Variants in CCDC194 observed in about 807,000 individuals in gnomAD.
CCDC194 encodes the protein coiled-coil domain-containing protein 194.
In CCDC194, 8 loss-of-function variants were observed where a neutral mutation model predicts 4.9. The ratio of observed to expected loss-of-function variants is 1.65; its 90% CI spans 0.97 to 2.97. The LOEUF is 2.97. Ranked by LOEUF, CCDC194 falls within the 30% of genes most tolerant of loss-of-function variation. The pLI, the probability that CCDC194 is intolerant of heterozygous loss-of-function variation, is 0.00. For synonymous variants in CCDC194, 13 were observed against 17.0 expected (o/e 0.76, Z 0.58); for missense variants, 52 against 43.1 (o/e 1.21, Z -0.58).
chr19:17,389,668 G>A (rs1232870469), downstream of CCDC194, among the ~76,000 whole-genome samples: 1 of 152,150 alleles, frequency 6.6e-6, no homozygotes, highest in African/African-American at 2.4e-5. Flanking sequence ...TTGTTGCAGT[G>A]TAGGTTAAAA....
chr19:17,392,869 A>G (rs751490634), intron 1 of CCDC194, among the ~76,000 whole-genome samples: 25 of 152,138 alleles, frequency 1.6e-4, no homozygotes, highest in Non-Finnish European at 3.4e-4. Context: ...TTTAGTAGAG[A>G]CGGGTTTTCA....
At chr19:17,389,215 G>A (rs898395455), downstream of CCDC194, among the ~76,000 whole-genome samples, 3 of 152,146 alleles carry the variant, frequency 2.0e-5, no homozygotes, top group Non-Finnish European at 4.4e-5. Flanking sequence ...TAACCTTTGT[G>A]TTGTTAAGGA....
At chr19:17,388,962 C>T (rs1292997391), downstream of CCDC194, among the ~76,000 whole-genome samples, 2 of 152,138 alleles carry the variant, frequency 1.3e-5, no homozygotes, top group Non-Finnish European at 2.9e-5. Flanking sequence ...CCTCAGCCTC[C>T]CAAGTAGCTG....
chr19:17,393,019 C>T (rs538285316), intron 1 of CCDC194, among the ~76,000 whole-genome samples: 12 of 152,166 alleles, frequency 7.9e-5, no homozygotes, highest in South Asian at 6.2e-4. Flanking sequence ...TGCACTACCT[C>T]GGCTGGGCTG....
chr19:17,393,207 A>G (rs1568382306), intron 1 of CCDC194, among the ~76,000 whole-genome samples: 1 of 152,110 alleles, frequency 6.6e-6, no homozygotes. Context: ...CTCCCCCAAG[A>G]GGCCAACTTT....
chr19:17,392,027 C>T, intron 1 of CCDC194, 181 bp from the exon 2 acceptor site: 1 of 545,698 alleles, frequency 1.8e-6, no homozygotes, highest in Non-Finnish European at 3.0e-6. Context: ...CCTGGGGCAC[C>T]GAGTGGTGAC....
At chr19:17,393,592 T>C (rs2074663225) in intron 1 of CCDC194, among the ~76,000 whole-genome samples, 1 of 152,068 alleles carries the variant, frequency 6.6e-6, no homozygotes, top group Non-Finnish European at 1.5e-5. Context: ...TTTCACCATA[T>C]TGGCCAGGCT....
downstream of CCDC194, among the ~76,000 whole-genome samples, chr19:17,387,440 G>C (rs1010397134): frequency 1.3e-5 from 2 of 151,978 alleles, no homozygotes; most frequent in East Asian, 1.9e-4. Flanking sequence ...AACGGGGGCC[G>C]GGCACAGCGG....
At chr19:17,393,922 C>A (rs2074664390) in exon 1 of CCDC194, 1 of 397,024 alleles carries the variant, frequency 2.5e-6, no homozygotes, top group Non-Finnish European at 4.4e-6. Context: ...GGGCCTCCTC[C>A]CGCTCGGCAG....
chr19:17,389,409 AGCTCTTTCTTGT>A, downstream of CCDC194, among the ~76,000 whole-genome samples: 1 of 152,328 alleles, frequency 6.6e-6, no homozygotes, highest in East Asian at 1.9e-4. Flanking sequence ...CCATATAAAC[AGCTCTTTCTTGT>A]GATTCAACCT....
rs10402861 is a variant in CCDC194, at chr19:17,391,290, C to A, written c.475G>T (p.Glu159Ter). 1 of 422,362 alleles carries A rather than the reference C, an allele frequency of 2.4e-6. No homozygotes were observed. Among genetic ancestry groups the A allele is most frequent in the South Asian group, 7.6e-5 (1 of 13,100 alleles). 26.2% of individuals were successfully genotyped at this position (422,362 alleles called of 1,614,324 possible). A position where few individuals can be genotyped will look rare whatever the true frequency, so the allele number is the denominator to read the frequency against. Residue 159 changes from glutamate (E) to a stop codon, truncating the protein, a stop_gained, in exon 3 of 4, where the codon GAG (glutamate) becomes TAG (stop). Coordinates refer to ENST00000636079, the Ensembl canonical transcript of CCDC194. LOFTEE classifies it high-confidence loss of function. ...GCCACGCCTGCGCGCCGCAGAGCCT[C>A]GTCCAGCCGCCGCGTAGACTCCGTG... is the stretch of plus-strand genomic sequence containing the variant.
chr19:17,391,855 T>C lies in CCDC194; in HGVS notation c.325-9A>G. ...TGGGTCTGAAGCCGGCTCTGAGGAGTGGAGGGGAAGTGGGAGGGGGTGTAG... is the reference window on the plus strand; with the variant it reads ...TGGGTCTGAAGCCGGCTCTGAGGAGCGGAGGGGAAGTGGGAGGGGGTGTAG... On this transcript the variant is annotated splice_polypyrimidine_tract_variant and intron_variant, in intron 1 of 3. Coordinates refer to ENST00000636079, the Ensembl canonical transcript of CCDC194. The C allele has an allele frequency of 4.6e-6, 7 of 1,506,842 alleles. No individual in the cohort carries two copies. The South Asian group carries it at 7.4e-5, about 16-fold the overall frequency. 93.3% of individuals were successfully genotyped at this position (1,506,842 alleles called of 1,614,324 possible).
downstream of CCDC194, among the ~76,000 whole-genome samples, chr19:17,389,588 A>G (rs118151625): frequency 0.012 from 1,848 of 152,204 alleles, 11 homozygotes; most frequent in Non-Finnish European, 0.018. Context: ...TCCTCATTTG[A>G]TCTATTAGTA....
chr19:17,388,412 C>A (rs1296149727), downstream of CCDC194, among the ~76,000 whole-genome samples: 2 of 150,488 alleles, frequency 1.3e-5, no homozygotes, highest in Non-Finnish European at 1.5e-5. Context: ...TTTTTTCTTT[C>A]TTTCTCTTCT....
At chr19:17,390,162 G>C (rs983081557), downstream of CCDC194, among the ~76,000 whole-genome samples, 4 of 152,096 alleles carry the variant, frequency 2.6e-5, no homozygotes, top group African/African-American at 9.7e-5. The surrounding 1 kb of genome is among the most constrained non-coding windows in gnomAD (Gnocchi z 5.5). Context: ...AACCCAAAGA[G>C]GGAAAGTGAC....
At chr19:17,391,500 G>A (rs1286152267) in intron 2 of CCDC194, 157 bp from the exon 3 acceptor site, 2 of 800,202 alleles carry the variant, frequency 2.5e-6, no homozygotes, top group Non-Finnish European at 3.9e-6. Flanking sequence ...CGTGCCATTT[G>A]CATAGCTTTT....
chr19:17,393,582 T>C (rs2074663161), intron 1 of CCDC194, among the ~76,000 whole-genome samples: 1 of 151,936 alleles, frequency 6.6e-6, no homozygotes, highest in South Asian at 2.1e-4. Flanking sequence ...AGAGACAGGG[T>C]TTCACCATAT....
chr19:17,393,314 C>T (rs74866568), intron 1 of CCDC194, among the ~76,000 whole-genome samples: 5,118 of 151,302 alleles, frequency 0.034, 119 homozygotes, highest in South Asian at 0.13. Context: ...GGAGGAGGGC[C>T]TCCAGTGGTC....
rs1008146861 is a variant in CCDC194, at chr19:17,393,901, C to G, written c.258G>C (p.Gln86His). 9.3e-5 allele frequency: 37 copies of G among 397,572 alleles called. No individual in the cohort carries two copies. In the East Asian group the frequency reaches 1.3e-3, roughly 14 times the overall value. The allele number at this position is 397,572 out of a possible 1,614,324, so 24.6% of individuals were successfully genotyped here. The change falls in exon 1 of 4, where the codon CAG (glutamine) becomes CAC (histidine). Residue 86 changes from glutamine to histidine, a missense_variant. Physicochemically the swap from Gln to His is conservative, Grantham distance 24 (BLOSUM62 0). Transcript: ENST00000636079. The stretch of plus-strand genomic sequence containing the variant: ...GCCGGATACTTTCCGCCTGGTCCAG[C>G]TGCCTGGCTAGGGCCTCCTCCCGCT...
Sources: gnomAD v4.1 joint callset for allele counts (sites outside exome capture counted in the v4.1 genomes callset) on GRCh38, gnomAD v4.1.1 for gene constraint, Gnocchi (gnomAD v3.1) non-coding constraint, MANE v1.5 for transcripts, NCBI Gene and HGNC (gene_info 2026-07-23, HGNC 2026-07-21) for gene names.